ZNF471: variants seen among roughly 807,000 people sequenced by gnomAD.
ZNF471 encodes the protein zinc finger protein 471.
A neutral mutation model predicts 13.7 loss-of-function variants in ZNF471; 7 were observed. The observed-to-expected ratio is 0.51, with a 90% CI of 0.29 to 0.96. The LOEUF (loss-of-function observed/expected upper bound fraction) is 0.96, where lower values mean the gene tolerates loss of function less well. Ranked by LOEUF, ZNF471 falls within the 40% of genes least tolerant of loss-of-function variation. The probability of loss-of-function intolerance (pLI) is 0.08; values close to 1 mark genes in which losing one functional copy is unlikely to be tolerated. For missense variants in ZNF471, 663 were observed against 743.3 expected (o/e 0.89, Z 1.26); for synonymous variants, 218 against 235.6 (o/e 0.93, Z 0.68).
In ZNF471 at chr19:56,529,951, C is replaced by G. The variant is rs530128279; in HGVS notation, c.*4003C>G. ...TTCTACACCTAGTCAGTTATGTTCT[C>G]AAAAAGCACAAGTGCAGAAATATAG... On this transcript the variant is annotated 3_prime_UTR_variant, in exon 5 of 5. Coordinates refer to ENST00000308031, the MANE Select transcript of ZNF471 (RefSeq NM_020813.4). The G allele has an allele frequency of 6.6e-6, 1 of 152,140 alleles. No individual in the cohort carries two copies. The highest frequency in any genetic ancestry group is 1.5e-5 in the Non-Finnish European group (1 of 68,024). The allele number at this position is 152,140 out of a possible 1,614,324, so 9.4% of individuals were successfully genotyped here.
chr19:56,516,019 G>A lies in ZNF471; in HGVS notation c.34-256G>A, dbSNP rs973138950. On this transcript the variant is annotated intron_variant, in intron 2 of 4. Coordinates refer to ENST00000308031, the MANE Select transcript of ZNF471 (RefSeq NM_020813.4). The surrounding 1 kb of genome is among the most constrained non-coding windows in gnomAD (Gnocchi z 4.4). ...ATGCTTTTGAAGATTCAACACAGGTGTGTGTTCTCCCTTGAAGCCGTCTTC... is the reference window on the plus strand; with the variant it reads ...ATGCTTTTGAAGATTCAACACAGGTATGTGTTCTCCCTTGAAGCCGTCTTC... 6.6e-6 allele frequency among the ~76,000 whole-genome samples: 1 copy of A among 152,200 alleles called. No homozygotes were observed.
chr19:56,518,013 G>A (rs889975294), intron 3 of ZNF471, among the ~76,000 whole-genome samples: 34 of 152,188 alleles, frequency 2.2e-4, no homozygotes, highest in African/African-American at 8.2e-4. Context: ...ATTGCAGTGT[G>A]AGCGTCTATT....
Position 56,524,758 on chromosome 19 carries a change from G to C in ZNF471, c.691G>C (p.Glu231Gln). The C allele has an allele frequency of 6.2e-7, 1 of 1,610,878 alleles. No individual in the cohort carries two copies. The highest frequency in any genetic ancestry group is 8.5e-7 in the Non-Finnish European group (1 of 1,179,042). Residue 231 changes from glutamate to glutamine, a missense_variant, in exon 5 of 5, where the codon GAA becomes CAA. Coordinates refer to ENST00000308031, the MANE Select transcript of ZNF471 (RefSeq NM_020813.4). The surrounding 1 kb of genome is among the most constrained non-coding windows in gnomAD (Gnocchi z 4.8). ...TGTTCATTTTAGAATTCATACTGGT[G>C]AAAAACCATATGCATGTGAGGAATG... ...LTVHFRIHTG[E>Q]KPYACEECGK... is the part of the protein sequence containing the mutation.
chr19:56,529,600 G>A lies in ZNF471; in HGVS notation c.*3652G>A, dbSNP rs1244292216. ...AGGATATAGCCCTTGAAAAAGGGCT[G>A]TTGGAAAGCAGCAAGGATAAGGTGC... On this transcript the variant is annotated 3_prime_UTR_variant, in exon 5 of 5. Transcript: ENST00000308031. The A allele has an allele frequency of 1.3e-5, 2 of 152,234 alleles. No homozygotes were observed. The highest frequency in any genetic ancestry group is 4.8e-5 in the African/African-American group (2 of 41,470). The allele number at this position is 152,234 out of a possible 1,614,324, so 9.4% of individuals were successfully genotyped here.
chr19:56,520,816 T>G (rs2043959935), intron 4 of ZNF471, among the ~76,000 whole-genome samples: 1 of 152,182 alleles, frequency 6.6e-6, no homozygotes, highest in African/African-American at 2.4e-5. Flanking sequence ...GCCGGCTAAT[T>G]TTTTATAAGT....
Position 56,510,498 on chromosome 19 carries a change from GAAGT to G in ZNF471, c.-55-1015_-55-1012del. On this transcript the variant is annotated intron_variant, in intron 1 of 4. Transcript: ENST00000308031. The surrounding 1 kb of genome is among the most constrained non-coding windows in gnomAD (Gnocchi z 4.3). ...GGGACAGTGAGCTGTGTGTGTGAGAGAAGTAAGATTGGGGGTATGTGTGAAGGTG... is the reference window on the plus strand; with the variant it reads ...GGGACAGTGAGCTGTGTGTGTGAGAGAAGATTGGGGGTATGTGTGAAGGTG... 7.1e-6 allele frequency: 7 copies of G among 985,816 alleles called. No homozygotes were observed. Among genetic ancestry groups the G allele is most frequent in the Non-Finnish European group, 8.4e-6 (7 of 830,056 alleles). 61.1% of individuals were successfully genotyped at this position (985,816 alleles called of 1,614,324 possible).
Position 56,510,648 on chromosome 19 carries a change from T to A in ZNF471, c.-55-869T>A. ...CTCCGTGTGACCATGAAACCTGTGT[T>A]AGTGTTTGTATGTCACCCTGTATAC... On this transcript the variant is annotated intron_variant, in intron 1 of 4. Coordinates refer to ENST00000308031, the MANE Select transcript of ZNF471 (RefSeq NM_020813.4). The surrounding 1 kb of genome is among the most constrained non-coding windows in gnomAD (Gnocchi z 4.3). 1 of 985,662 alleles carries A rather than the reference T, an allele frequency of 1.0e-6. No homozygotes were observed. Among genetic ancestry groups the A allele is most frequent in the Non-Finnish European group, 1.2e-6 (1 of 830,018 alleles). 61.1% of individuals were successfully genotyped at this position (985,662 alleles called of 1,614,324 possible). A position where few individuals can be genotyped will look rare whatever the true frequency, so the allele number is the denominator to read the frequency against.
Position 56,516,187 on chromosome 19 carries a change from C to G in ZNF471, c.34-88C>G, listed in dbSNP as rs1374030078. 1.5e-6 allele frequency: 2 copies of G among 1,349,318 alleles called. No individual in the cohort carries two copies. The highest frequency in any genetic ancestry group is 2.9e-5 in the African/African-American group (2 of 68,568). 83.6% of individuals were successfully genotyped at this position (1,349,318 alleles called of 1,614,324 possible). On this transcript the variant is annotated intron_variant, in intron 2 of 4. Coordinates refer to ENST00000308031, the MANE Select transcript of ZNF471 (RefSeq NM_020813.4). The surrounding 1 kb of genome is among the most constrained non-coding windows in gnomAD (Gnocchi z 4.4). Reference sequence around the variant, plus strand: ...GTTTTTTCTCTTCTATGAGTTATTTCTCACCTAAAGTAGAGACACTTTGGA... The same window carrying G: ...GTTTTTTCTCTTCTATGAGTTATTTGTCACCTAAAGTAGAGACACTTTGGA...
At position 56,525,016 on chromosome 19, in the gene ZNF471, C is replaced by A. The variant is rs2147929451; in HGVS notation, c.949C>A (p.Pro317Thr). The A allele has an allele frequency of 6.2e-7, 1 of 1,614,026 alleles. No homozygotes were observed. Among genetic ancestry groups the A allele is most frequent in the Non-Finnish European group, 8.5e-7 (1 of 1,179,982 alleles). The change falls in exon 5 of 5, where the codon CCC (proline) becomes ACC (threonine). Residue 317 changes from proline to threonine, a missense_variant. Transcript: ENST00000308031. ...TCAGAGAATTCATACTGGAGAGAAACCCTATGAATGTAAAGAATGTGGCAA... is the reference window on the plus strand; with the variant it reads ...TCAGAGAATTCATACTGGAGAGAAAACCTATGAATGTAAAGAATGTGGCAA... ...QHQRIHTGEK[P>T]YECKECGKAF...
At position 56,524,110 on chromosome 19, in the gene ZNF471, A is replaced by ACACC. The variant is rs1345905694; in HGVS notation, c.257-213_257-210dup. On this transcript the variant is annotated intron_variant, in intron 4 of 4. Transcript: ENST00000308031. This position sits in a 1 kb window ranked among gnomAD's most constrained non-coding sequence, Gnocchi z 4.8. ...GCTGGGATTATAGGCCTAAACCACT[A>ACACC]CACCTAGCCCATTTCGCTTTCTTAG... is the stretch of plus-strand genomic sequence containing the variant. Among the ~76,000 whole-genome samples the ACACC allele has an allele frequency of 6.6e-6, 1 of 152,104 alleles. No homozygotes were observed. Among genetic ancestry groups the ACACC allele is most frequent in the Non-Finnish European group, 1.5e-5 (1 of 68,018 alleles).
rs780205250 is a variant in ZNF471, at chr19:56,529,958, C to T, written c.*4010C>T. 4.6e-5 allele frequency: 7 copies of T among 152,126 alleles called. No individual in the cohort carries two copies. The highest frequency in any genetic ancestry group is 2.9e-5 in the Non-Finnish European group (2 of 68,018). The allele number at this position is 152,126 out of a possible 1,614,324, so 9.4% of individuals were successfully genotyped here. A position where few individuals can be genotyped will look rare whatever the true frequency, so the allele number is the denominator to read the frequency against. On this transcript the variant is annotated 3_prime_UTR_variant, in exon 5 of 5. Transcript: ENST00000308031. Reference sequence around the variant, plus strand: ...CCTAGTCAGTTATGTTCTCAAAAAGCACAAGTGCAGAAATATAGATGCATA... The same window carrying T: ...CCTAGTCAGTTATGTTCTCAAAAAGTACAAGTGCAGAAATATAGATGCATA...
In ZNF471 at chr19:56,508,164, GAT is replaced by G; in HGVS notation, c.-56+245_-56+246del. On this transcript the variant is annotated intron_variant, in intron 1 of 4. Transcript: ENST00000308031. The surrounding 1 kb of genome is among the most constrained non-coding windows in gnomAD (Gnocchi z 4.7). ...GACCACTGGAGTGAGCTGTGGGAGA[GAT>G]GGGGGTGTGCCTGTGTGTAAAAGAT... 3.0e-6 allele frequency: 3 copies of G among 985,408 alleles called. No homozygotes were observed. In the African/African-American group the frequency reaches 5.2e-5, roughly 17 times the overall value. 61.0% of individuals were successfully genotyped at this position (985,408 alleles called of 1,614,324 possible). A position where few individuals can be genotyped will look rare whatever the true frequency, so the allele number is the denominator to read the frequency against.
chr19:56,523,252 T>C (rs910656810), intron 4 of ZNF471, among the ~76,000 whole-genome samples: 1 of 152,120 alleles, frequency 6.6e-6, no homozygotes, highest in African/African-American at 2.4e-5. Flanking sequence ...CTCACACCTG[T>C]AATCCTAGCT....
Position 56,529,481 on chromosome 19 carries a change from T to C in ZNF471, c.*3533T>C, listed in dbSNP as rs1470684359. The C allele has an allele frequency of 6.6e-6, 1 of 152,186 alleles. No individual in the cohort carries two copies. 9.4% of individuals were successfully genotyped at this position (152,186 alleles called of 1,614,324 possible). On this transcript the variant is annotated 3_prime_UTR_variant, in exon 5 of 5. Transcript: ENST00000308031. The stretch of plus-strand genomic sequence containing the variant: ...ATGAAGAGAGAATGACAGGACTGTG[T>C]AGAAGATTTAAACCTTTTTCATGGC...
intron 4 of ZNF471, among the ~76,000 whole-genome samples, chr19:56,521,656 A>AC (rs1200322668): frequency 1.3e-5 from 2 of 151,464 alleles, no homozygotes; most frequent in African/African-American, 2.4e-5. Flanking sequence ...AAAAAAAAAA[A>AC]AAACTCTTCT....
chr19:56,521,247 A>G (rs530628721), intron 4 of ZNF471, among the ~76,000 whole-genome samples: 1 of 152,318 alleles, frequency 6.6e-6, no homozygotes, highest in Admixed American at 6.5e-5. Flanking sequence ...TGGTACAGTC[A>G]TGGGCCACAT....
At position 56,508,979 on chromosome 19, in the gene ZNF471, G is replaced by C. The variant is rs1314754380; in HGVS notation, c.-56+1059G>C. On this transcript the variant is annotated intron_variant, in intron 1 of 4. Coordinates refer to ENST00000308031, the MANE Select transcript of ZNF471 (RefSeq NM_020813.4). The surrounding 1 kb of genome is among the most constrained non-coding windows in gnomAD (Gnocchi z 4.7). ...GTTATGTTGTTATGAGTTTGTGAGA[G>C]AGAGGGAGGCGATCAAAGTATAGGA... 6.6e-6 allele frequency among the ~76,000 whole-genome samples: 1 copy of C among 152,218 alleles called. No homozygotes were observed. Among genetic ancestry groups the C allele is most frequent in the Non-Finnish European group, 1.5e-5 (1 of 68,032 alleles).
chr19:56,515,125 T>G (rs2043864414), intron 2 of ZNF471, among the ~76,000 whole-genome samples: 2 of 152,196 alleles, frequency 1.3e-5, no homozygotes, highest in Non-Finnish European at 2.9e-5. Context: ...TGTAAAGTTA[T>G]TCTATAGATA....
chr19:56,511,651 T>C, intron 2 of ZNF471, 47 bp downstream of exon 2: 1 of 1,459,852 alleles, frequency 6.9e-7, no homozygotes, highest in Non-Finnish European at 9.5e-7. Context: ...TCTTGCTGTT[T>C]AGGACTTTTT....
Sources: gnomAD v4.1 joint callset for allele counts (sites outside exome capture counted in the v4.1 genomes callset) on GRCh38, gnomAD v4.1.1 for gene constraint, Gnocchi (gnomAD v3.1) non-coding constraint, MANE v1.5 for transcripts, NCBI Gene and HGNC (gene_info 2026-07-23, HGNC 2026-07-21) for gene names.